The following RAB3GAP1 variants were observed in gnomAD, a reference collection of about 807,000 sequenced individuals.
RAB3GAP1 encodes the protein RAB3 GTPase activating protein catalytic subunit 1, also known as rab3 GTPase-activating protein catalytic subunit.
In RAB3GAP1, 86 loss-of-function variants were observed where a neutral mutation model predicts 130.7. The observed-to-expected ratio is 0.66, with a 90% CI of 0.55 to 0.79. The LOEUF (loss-of-function observed/expected upper bound fraction) is 0.79. Ranked by LOEUF, RAB3GAP1 falls within the 30% of genes least tolerant of loss-of-function variation. RAB3GAP1 has a pLI of 0.00. For missense variants in RAB3GAP1, 1,029 were observed against 1,169.4 expected, an observed-to-expected ratio of 0.88 and a Z score of 1.75; for synonymous variants, 367 against 401.7, an observed-to-expected ratio of 0.91 and a Z score of 1.03.
Position 135,169,360 on chromosome 2 carries a change from A to G in RAB3GAP1, c.*579A>G, listed in dbSNP as rs1161747344. On this transcript the variant is annotated 3_prime_UTR_variant, in exon 24 of 24. Transcript: ENST00000264158. ...TTTTGGATATTCTAGGAGAAAGCCT[A>G]TAATTTCACATAGTTTCTCTTTTTC... The G allele has an allele frequency of 5.6e-6, 1 of 178,150 alleles. No individual in the cohort carries two copies. Among genetic ancestry groups the G allele is most frequent in the African/African-American group, 2.4e-5 (1 of 41,746 alleles). 11.0% of individuals were successfully genotyped at this position (178,150 alleles called of 1,614,324 possible).
chr2:135,098,116 G>T (rs548657838), intron 5 of RAB3GAP1, among the ~76,000 whole-genome samples: 1 of 152,060 alleles, frequency 6.6e-6, no homozygotes, highest in Non-Finnish European at 1.5e-5. Context: ...AACATCTTTC[G>T]TGTGTTTATT....
chr2:135,147,100 C>G (rs1692020106), intron 17 of RAB3GAP1, among the ~76,000 whole-genome samples: 1 of 152,118 alleles, frequency 6.6e-6, no homozygotes, highest in South Asian at 2.1e-4. Flanking sequence ...AATCCTAGCA[C>G]TCTGAGAGGC....
chr2:135,078,085 T>G (rs979053757), intron 3 of RAB3GAP1, among the ~76,000 whole-genome samples: 2 of 152,224 alleles, frequency 1.3e-5, no homozygotes, highest in African/African-American at 4.8e-5. Context: ...TTGCCTGTGC[T>G]TTTGGTGTCC....
intron 17 of RAB3GAP1, among the ~76,000 whole-genome samples, chr2:135,145,020 G>A (rs753101606): frequency 1.3e-5 from 2 of 152,150 alleles, no homozygotes; most frequent in Non-Finnish European, 2.9e-5. Flanking sequence ...CATTTGCTAA[G>A]TCAATACTAA....
chr2:135,088,325 A>G (rs572245251), intron 3 of RAB3GAP1, among the ~76,000 whole-genome samples: 3 of 152,292 alleles, frequency 2.0e-5, no homozygotes, highest in South Asian at 2.1e-4. Context: ...AGACTTTGGT[A>G]TACGCAGTTG....
At chr2:135,099,967 C>T (rs1039578014) in intron 5 of RAB3GAP1, among the ~76,000 whole-genome samples, 13 of 152,024 alleles carry the variant, frequency 8.6e-5, no homozygotes, top group African/African-American at 2.7e-4. Flanking sequence ...CCCAGGGCCT[C>T]GTAAGCAGAG....
chr2:135,056,376 T>G (rs1264677585), intron 2 of RAB3GAP1, among the ~76,000 whole-genome samples: 1 of 151,882 alleles, frequency 6.6e-6, no homozygotes, highest in Non-Finnish European at 1.5e-5. Flanking sequence ...CTAATTTTTG[T>G]TGTATTTTCA....
At chr2:135,124,043 C>A in intron 8 of RAB3GAP1, 122 bp from the exon 9 acceptor site, 2 of 916,308 alleles carry the variant, frequency 2.2e-6, no homozygotes, top group African/African-American at 1.7e-5. Context: ...GTCTAACTTG[C>A]TAACTTGCTA....
At chr2:135,090,863 C>T (rs1690122880) in intron 3 of RAB3GAP1, 135 bp from the exon 4 acceptor site, 4 of 686,160 alleles carry the variant, frequency 5.8e-6, no homozygotes, top group African/African-American at 1.8e-5. Flanking sequence ...TGGTTGCATT[C>T]ACTTTTATGT....
intron 5 of RAB3GAP1, among the ~76,000 whole-genome samples, chr2:135,103,035 A>ATTTTTTTT (rs539310402): frequency 0.056 from 5,041 of 90,798 alleles, 549 homozygotes; most frequent in African/African-American, 0.089. Context: ...CATTTTTGTG[A>ATTTTTTTT]TTTTTTTTTT....
Position 135,169,006 on chromosome 2 carries a change from T to A in RAB3GAP1, c.*225T>A. 2.3e-6 allele frequency: 1 copy of A among 443,476 alleles called. No individual in the cohort carries two copies. The highest frequency in any genetic ancestry group is 4.0e-6 in the Non-Finnish European group (1 of 252,120). 27.5% of individuals were successfully genotyped at this position (443,476 alleles called of 1,614,324 possible). A position where few individuals can be genotyped will look rare whatever the true frequency, so the allele number is the denominator to read the frequency against. On this transcript the variant is annotated 3_prime_UTR_variant, in exon 24 of 24. Coordinates refer to ENST00000264158, the MANE Select transcript of RAB3GAP1 (RefSeq NM_012233.3). ...TTGAGCTGTTGAGAGATTTCTGCCC[T>A]AGAGATGGCCTTTGTATATGGGGGG...
chr2:135,070,148 A>G (rs1689426682), intron 3 of RAB3GAP1, among the ~76,000 whole-genome samples: 1 of 152,222 alleles, frequency 6.6e-6, no homozygotes, highest in Non-Finnish European at 1.5e-5. Flanking sequence ...CTGTCAAACA[A>G]CTTGGTATCA....
At chr2:135,158,282 T>A (rs998942660) in intron 19 of RAB3GAP1, among the ~76,000 whole-genome samples, 1 of 152,106 alleles carries the variant, frequency 6.6e-6, no homozygotes, top group African/African-American at 2.4e-5. Flanking sequence ...TAACCATGCT[T>A]TCCTCAGAAA....
chr2:135,131,487 C>T (rs1416813199), intron 13 of RAB3GAP1, among the ~76,000 whole-genome samples: 2 of 152,192 alleles, frequency 1.3e-5, no homozygotes, highest in Admixed American at 6.5e-5. Context: ...GCCTCGGCCT[C>T]CCAAACTGCT....
chr2:135,127,481 C>T (rs558230408), intron 11 of RAB3GAP1, among the ~76,000 whole-genome samples: 43 of 151,798 alleles, frequency 2.8e-4, no homozygotes, highest in Non-Finnish European at 5.4e-4. Flanking sequence ...GTAGCTGGGA[C>T]TATAGGCGCC....
intron 2 of RAB3GAP1, among the ~76,000 whole-genome samples, chr2:135,057,456 C>T (rs1445898482): frequency 6.6e-6 from 1 of 152,180 alleles, no homozygotes; most frequent in Non-Finnish European, 1.5e-5. Flanking sequence ...GGCTGGCGTG[C>T]AGTGGCGCGA....
intron 17 of RAB3GAP1, among the ~76,000 whole-genome samples, chr2:135,139,389 A>G (rs1015795191): frequency 1.3e-5 from 2 of 152,004 alleles, no homozygotes; most frequent in South Asian, 4.2e-4. Flanking sequence ...AAAAATACAG[A>G]AATTAGCCGA....
chr2:135,111,714 T>C (rs1225997411), intron 5 of RAB3GAP1, among the ~76,000 whole-genome samples: 1 of 152,228 alleles, frequency 6.6e-6, no homozygotes, highest in African/African-American at 2.4e-5. Context: ...TAAACTTAAC[T>C]TTAAAGGCAA....
downstream of RAB3GAP1, among the ~76,000 whole-genome samples, chr2:135,172,093 A>G (rs1181062349): frequency 6.6e-6 from 1 of 152,160 alleles, no homozygotes; most frequent in Non-Finnish European, 1.5e-5. Flanking sequence ...AAGGGAAGCC[A>G]TTGGAGAGTT....
Sources: gnomAD v4.1 joint callset for allele counts (sites outside exome capture counted in the v4.1 genomes callset) on GRCh38, gnomAD v4.1.1 for gene constraint, MANE v1.5 for transcripts, NCBI Gene and HGNC (gene_info 2026-07-23, HGNC 2026-07-21) for gene names.